The following GALNT13 variants were observed in gnomAD, a reference collection of about 807,000 sequenced individuals.
GALNT13 encodes UDP-GalNAc:polypeptide N-acetylgalactosaminyltransferase 13.
Under a neutral mutation model 64.2 loss-of-function variants are expected in GALNT13, and 28 were observed. The observed-to-expected ratio is 0.44, with a 90% CI of 0.32 to 0.60. The LOEUF is 0.60. Ranked by LOEUF, GALNT13 falls within the 20% of genes least tolerant of loss-of-function variation. The probability of loss-of-function intolerance (pLI) is 0.05; values close to 1 mark genes in which losing one functional copy is unlikely to be tolerated. For missense variants in GALNT13, 577 were observed against 669.8 expected (o/e 0.86, Z 1.53); for synonymous variants, 214 against 224.6 (o/e 0.95, Z 0.42).
At chr2:153,668,689 G>C in the GALNT13 span, among the ~76,000 whole-genome samples, 1 of 152,076 alleles carries the variant, frequency 6.6e-6, no homozygotes, top group Non-Finnish European at 1.5e-5. Flanking sequence ...CCTGGGGAAG[G>C]TGTGAGTTGA....
At chr2:154,070,543 T>G (rs10200406) in intron 3 of GALNT13, among the ~76,000 whole-genome samples, 30,507 of 152,026 alleles carry the variant, frequency 0.2, 4,008 homozygotes, top group Middle Eastern at 0.32. Flanking sequence ...TATGTTAAAA[T>G]TCACCAAAAA....
At chr2:153,438,081 A>G in the GALNT13 span, among the ~76,000 whole-genome samples, 4 of 152,170 alleles carry the variant, frequency 2.6e-5, no homozygotes, top group Admixed American at 6.5e-5. Context: ...TCCTTCACTT[A>G]TGAAGCTTAG....
the GALNT13 span, among the ~76,000 whole-genome samples, chr2:153,595,623 A>T: frequency 7.7e-4 from 117 of 152,198 alleles, no homozygotes; most frequent in South Asian, 8.3e-4. Flanking sequence ...ATATAAAAAG[A>T]TTCATCAGAA....
At chr2:153,960,183 TG>T (rs1030828960) in intron 3 of GALNT13, among the ~76,000 whole-genome samples, 1 of 152,232 alleles carries the variant, frequency 6.6e-6, no homozygotes, top group African/African-American at 2.4e-5. Flanking sequence ...AATCACTTTT[TG>T]CCACCATTGG....
chr2:153,676,740 T>A, the GALNT13 span, among the ~76,000 whole-genome samples: 2 of 152,236 alleles, frequency 1.3e-5, no homozygotes, highest in South Asian at 4.1e-4. Flanking sequence ...AATGAACACA[T>A]GTGATTCATC....
the GALNT13 span, among the ~76,000 whole-genome samples, chr2:153,518,482 T>C: frequency 2.0e-5 from 3 of 152,146 alleles, no homozygotes; most frequent in African/African-American, 4.8e-5. Flanking sequence ...ATCCAAAATA[T>C]ACTAAGAAAA....
the GALNT13 span, among the ~76,000 whole-genome samples, chr2:153,403,272 G>A: frequency 3.6e-4 from 55 of 151,352 alleles, no homozygotes; most frequent in Non-Finnish European, 6.9e-4. Flanking sequence ...ACTTGAGGAG[G>A]CAGTCTGCCC....
At chr2:154,216,062 CTTACA>C (rs995196237) in intron 4 of GALNT13, among the ~76,000 whole-genome samples, 116 of 152,028 alleles carry the variant, frequency 7.6e-4, no homozygotes, top group Non-Finnish European at 1.4e-3. Context: ...CATTTGTTAA[CTTACA>C]TTACAGTGAA....
the GALNT13 span, among the ~76,000 whole-genome samples, chr2:153,430,944 G>T: frequency 6.6e-6 from 1 of 151,984 alleles, no homozygotes; most frequent in Admixed American, 6.6e-5. Context: ...AAGGTCAGGA[G>T]TTCGAGACCA....
At chr2:153,574,130 T>G in the GALNT13 span, among the ~76,000 whole-genome samples, 3 of 2,700 alleles carry the variant, frequency 1.1e-3, no homozygotes, top group African/African-American at 3.3e-3. Context: ...TAAGGTAAAG[T>G]TTTTTTTTTT....
At chr2:153,628,910 C>T in the GALNT13 span, among the ~76,000 whole-genome samples, 280 of 152,198 alleles carry the variant, frequency 1.8e-3, no homozygotes, top group African/African-American at 6.5e-3. Context: ...GGAATAGTTT[C>T]AGAATGAGTG....
At chr2:153,345,633 C>T in the GALNT13 span, among the ~76,000 whole-genome samples, 2,788 of 108,480 alleles carry the variant, frequency 0.026, 23 homozygotes, top group Non-Finnish European at 0.038. Flanking sequence ...CTTTTCCTTT[C>T]TTTTTCTTTC....
chr2:153,183,957 CTTTT>C, the GALNT13 span, among the ~76,000 whole-genome samples: 299 of 152,136 alleles, frequency 2.0e-3, 2 homozygotes, highest in African/African-American at 6.7e-3. Flanking sequence ...TATGCGGGCT[CTTTT>C]TTTGTTTCAT....
intron 1 of GALNT13, among the ~76,000 whole-genome samples, chr2:153,878,325 T>A (rs1357718615): frequency 6.6e-6 from 1 of 152,112 alleles, no homozygotes; most frequent in African/African-American, 2.4e-5. Context: ...TCACAAAAAA[T>A]TTCCCGTAGA....
the GALNT13 span, among the ~76,000 whole-genome samples, chr2:153,653,775 A>AT: frequency 1.3e-5 from 2 of 152,146 alleles, no homozygotes; most frequent in Admixed American, 1.3e-4. Flanking sequence ...ACAGCCTAAC[A>AT]TTTTTTCTGC....
intron 8 of GALNT13, chr2:154,287,291 C>T (rs1692324944): frequency 7.1e-6 from 5 of 703,362 alleles, no homozygotes; most frequent in Non-Finnish European, 1.3e-5. Flanking sequence ...CCCCAACTCA[C>T]TGGCCATGGC....
the GALNT13 span, among the ~76,000 whole-genome samples, chr2:153,555,056 G>A: frequency 3.3e-5 from 5 of 152,028 alleles, no homozygotes; most frequent in Admixed American, 3.3e-4. Flanking sequence ...TAACTCTGTA[G>A]TACCTTTTAA....
chr2:153,380,993 C>T, the GALNT13 span, among the ~76,000 whole-genome samples: 3 of 151,968 alleles, frequency 2.0e-5, no homozygotes, highest in African/African-American at 7.2e-5. Flanking sequence ...GGCTGGAGTG[C>T]AGTGGTGCAG....
the GALNT13 span, among the ~76,000 whole-genome samples, chr2:153,599,275 G>A: frequency 0.071 from 10,786 of 152,056 alleles, 501 homozygotes; most frequent in East Asian, 0.14. Flanking sequence ...ATCTCAAAAT[G>A]TATACTAGGT....
Sources: gnomAD v4.1 joint callset for allele counts (sites outside exome capture counted in the v4.1 genomes callset) on GRCh38, gnomAD v4.1.1 for gene constraint, MANE v1.5 for transcripts, NCBI Gene and HGNC (gene_info 2026-07-23, HGNC 2026-07-21) for gene names.